Variants in CTNNA2 observed in about 807,000 individuals in gnomAD.
CTNNA2 encodes the protein catenin alpha 2.
A neutral mutation model predicts 101.0 loss-of-function variants in CTNNA2; 42 were observed. That is an observed-to-expected ratio of 0.42 (90% CI 0.32 to 0.54). The LOEUF (loss-of-function observed/expected upper bound fraction) is 0.54, where lower values mean the gene tolerates loss of function less well. Among genes scored for constraint, CTNNA2 ranks in the 20% least tolerant of loss-of-function variants. CTNNA2 has a pLI of 0.14. For missense variants in CTNNA2, 871 were observed against 1,223.1 expected (o/e 0.71, Z 4.29); for synonymous variants, 450 against 456.4 (o/e 0.99, Z 0.18).
At chr2:80,561,991 A>C (rs554338624) in intron 12 of CTNNA2, among the ~76,000 whole-genome samples, 29 of 152,082 alleles carry the variant, frequency 1.9e-4, no homozygotes, top group Non-Finnish European at 1.6e-4. Context: ...TTTTATGTAA[A>C]CAAATTCTGT....
intron 1 of CTNNA2, among the ~76,000 whole-genome samples, chr2:79,603,413 G>T (rs945155348): frequency 3.3e-5 from 5 of 152,080 alleles, no homozygotes; most frequent in Non-Finnish European, 7.4e-5. Flanking sequence ...CAAAATTAAA[G>T]CTTTGGAATG....
At chr2:79,986,351 T>A (rs1419299706) in intron 7 of CTNNA2, among the ~76,000 whole-genome samples, 1 of 152,134 alleles carries the variant, frequency 6.6e-6, no homozygotes, top group African/African-American at 2.4e-5. Flanking sequence ...CACTTGCCCA[T>A]CCCTACTGCA....
chr2:80,063,794 C>A (rs1422072500), intron 7 of CTNNA2, among the ~76,000 whole-genome samples: 1 of 152,208 alleles, frequency 6.6e-6, no homozygotes, highest in Non-Finnish European at 1.5e-5. Context: ...ATATTTGTAA[C>A]ACCTGCTGTT....
At chr2:80,031,492 A>G (rs114247215) in intron 7 of CTNNA2, among the ~76,000 whole-genome samples, 6 of 152,320 alleles carry the variant, frequency 3.9e-5, no homozygotes, top group African/African-American at 1.4e-4. Flanking sequence ...TTGTAAAAGA[A>G]TCAAATCTTG....
chr2:80,347,838 C>CTTTTTTTTTTTTTTTTTTTTT, intron 7 of CTNNA2, among the ~76,000 whole-genome samples: 1 of 146,786 alleles, frequency 6.8e-6, no homozygotes, highest in Admixed American at 6.8e-5. Context: ...TTTTTCTTTT[C>CTTTTTTTTTTTTTTTTTTTTT]TTTTCTTTTT....
chr2:80,368,397 C>T lies in CTNNA2; in HGVS notation c.1057-24814C>T, dbSNP rs79603372. 3.2e-3 allele frequency among the ~76,000 whole-genome samples: 481 copies of T among 152,224 alleles called. 1 individual carries two copies. The highest frequency in any genetic ancestry group is 0.011 in the African/African-American group (444 of 41,530). Reference sequence around the variant, plus strand: ...CATGTAGAGGACAGAAATTGTCTCACGCTGTAAAGCTAATTCCCATCATAT... The same window carrying T: ...CATGTAGAGGACAGAAATTGTCTCATGCTGTAAAGCTAATTCCCATCATAT... On this transcript the variant is annotated intron_variant, in intron 7 of 18. Transcript: ENST00000402739.
chr2:79,249,138 G>A (rs1406798811), intron 2 of CTNNA2, among the ~76,000 whole-genome samples: 2 of 152,012 alleles, frequency 1.3e-5, no homozygotes, highest in Non-Finnish European at 2.9e-5. Flanking sequence ...CTGTAAAATG[G>A]CAATAATAAT....
intron 7 of CTNNA2, among the ~76,000 whole-genome samples, chr2:80,315,870 C>T (rs1678069587): frequency 6.6e-6 from 1 of 152,166 alleles, no homozygotes; most frequent in Admixed American, 6.5e-5. Context: ...ACAGTATCAT[C>T]CATAAACACT....
intron 2 of CTNNA2, among the ~76,000 whole-genome samples, chr2:79,276,397 T>C (rs1377405578): frequency 2.0e-5 from 3 of 152,116 alleles, no homozygotes; most frequent in Admixed American, 1.3e-4. Flanking sequence ...TTGTTTGATC[T>C]ATTTCAATGC....
intron 7 of CTNNA2, among the ~76,000 whole-genome samples, chr2:80,278,868 T>C (rs1014135650): frequency 7.2e-5 from 11 of 152,060 alleles, no homozygotes; most frequent in African/African-American, 2.7e-4. Context: ...CTTGGAAAGC[T>C]GAGGCAGGAG....
At chr2:79,963,848 G>T (rs1038081716) in intron 7 of CTNNA2, among the ~76,000 whole-genome samples, 1 of 152,292 alleles carries the variant, frequency 6.6e-6, no homozygotes, top group African/African-American at 2.4e-5. Flanking sequence ...GTAGACCTTT[G>T]GAAATTTGAT....
intron 7 of CTNNA2, among the ~76,000 whole-genome samples, chr2:80,140,995 G>A (rs780859833): frequency 6.6e-6 from 1 of 152,096 alleles, no homozygotes; most frequent in African/African-American, 2.4e-5. Context: ...AATGCAGTTT[G>A]CATCCTTGAA....
intron 7 of CTNNA2, among the ~76,000 whole-genome samples, chr2:79,988,488 GTGTGTGTGTGTGTA>G (rs144327847): frequency 0.018 from 2,777 of 151,768 alleles, 93 homozygotes; most frequent in African/African-American, 0.064. Context: ...GTGTGTGTGT[GTGTGTGTGTGTGTA>G]TTAGCTTCTA....
chr2:80,288,753 C>T (rs1674986814), intron 7 of CTNNA2: 1 of 152,218 alleles, frequency 6.6e-6, no homozygotes, highest in Admixed American at 6.6e-5. Flanking sequence ...TTATTCCCCC[C>T]ACAAAGAGCT....
chr2:79,991,977 G>T (rs1450469427), intron 7 of CTNNA2, among the ~76,000 whole-genome samples: 1 of 152,002 alleles, frequency 6.6e-6, no homozygotes, highest in Non-Finnish European at 1.5e-5. Flanking sequence ...GGTAAAATTT[G>T]TTTTGTTTCT....
At chr2:80,344,859 A>T (rs894734896) in intron 7 of CTNNA2, among the ~76,000 whole-genome samples, 38 of 152,114 alleles carry the variant, frequency 2.5e-4, no homozygotes, top group African/African-American at 8.0e-4. Context: ...CTATCGTCCT[A>T]GTGCTTTATC....
chr2:79,516,497 T>A (rs1307390245), intron 1 of CTNNA2, among the ~76,000 whole-genome samples: 2 of 152,128 alleles, frequency 1.3e-5, no homozygotes, highest in East Asian at 3.9e-4. Flanking sequence ...ATGGTGTGTT[T>A]GAAGAACATT....
intron 4 of CTNNA2, 135 bp downstream of exon 4, chr2:79,858,314 C>A (rs141418400): frequency 2.0e-6 from 1 of 489,576 alleles, no homozygotes; most frequent in South Asian, 6.7e-5. Context: ...GTGGTGCCCA[C>A]GTCCAATTTT....
intron 4 of CTNNA2, among the ~76,000 whole-genome samples, chr2:79,489,721 G>A (rs558194943): frequency 2.6e-5 from 4 of 152,292 alleles, no homozygotes; most frequent in South Asian, 4.1e-4. Context: ...GAGGAAGAAA[G>A]GAAAACAGAG....
Sources: gnomAD v4.1 joint callset for allele counts (sites outside exome capture counted in the v4.1 genomes callset) on GRCh38, gnomAD v4.1.1 for gene constraint, MANE v1.5 for transcripts, NCBI Gene and HGNC (gene_info 2026-07-23, HGNC 2026-07-21) for gene names.